The following GNAQ variants were observed in gnomAD, a reference collection of about 807,000 sequenced individuals.
GNAQ encodes the protein guanine nucleotide-binding protein G(q) subunit alpha.
A neutral mutation model predicts 43.9 loss-of-function variants in GNAQ; 8 were observed. That is an observed-to-expected ratio of 0.18 (90% CI 0.11 to 0.33). The LOEUF (loss-of-function observed/expected upper bound fraction) is 0.33, where lower values mean the gene tolerates loss of function less well. GNAQ is among the 10% of genes least tolerant of loss of function. The pLI is 1.00. For synonymous variants in GNAQ, 155 were observed against 170.7 expected, an observed-to-expected ratio of 0.91 and a Z score of 0.71; for missense variants, 158 against 450.8, an observed-to-expected ratio of 0.35 and a Z score of 5.88.
intron 1 of GNAQ, among the ~76,000 whole-genome samples, chr9:77,979,356 C>A (rs1218355835): frequency 1.5e-3 from 214 of 140,772 alleles, no homozygotes; most frequent in African/African-American, 2.0e-3. Flanking sequence ...GACTCTGTCT[C>A]AAAAAAAAAA....
intron 5 of GNAQ, among the ~76,000 whole-genome samples, chr9:77,736,640 C>A (rs1339304216): frequency 6.6e-6 from 1 of 151,962 alleles, no homozygotes; most frequent in Non-Finnish European, 1.5e-5. Context: ...CATGTCAGGC[C>A]CTTGTAAAGT....
chr9:77,908,871 A>G (rs1026298217), intron 2 of GNAQ, among the ~76,000 whole-genome samples: 17 of 152,202 alleles, frequency 1.1e-4, no homozygotes, highest in Non-Finnish European at 1.8e-4. Context: ...ACAAATATGC[A>G]TTTTAATGAG....
intron 5 of GNAQ, among the ~76,000 whole-genome samples, chr9:77,737,990 T>C (rs1233258986): frequency 6.6e-6 from 1 of 152,190 alleles, no homozygotes; most frequent in Non-Finnish European, 1.5e-5. Flanking sequence ...CTTCTTTTTT[T>C]TGAGTATCAC....
chr9:77,878,290 A>G (rs1418277424), intron 2 of GNAQ, among the ~76,000 whole-genome samples: 1 of 151,586 alleles, frequency 6.6e-6, no homozygotes, highest in African/African-American at 2.4e-5. Flanking sequence ...AAAAATTTTA[A>G]AACTCAGTCT....
chr9:77,839,047 T>TG (rs1418239619), intron 2 of GNAQ, among the ~76,000 whole-genome samples: 1 of 152,088 alleles, frequency 6.6e-6, no homozygotes, highest in Non-Finnish European at 1.5e-5. Flanking sequence ...CCATACTGGC[T>TG]GGGTTGGGAA....
At chr9:77,823,414 C>T (rs10781465) in intron 2 of GNAQ, among the ~76,000 whole-genome samples, 121,629 of 152,114 alleles carry the variant, frequency 0.8, 48,752 homozygotes, top group Admixed American at 0.86. Context: ...TAACTTTCCA[C>T]TGAGAGTATA....
chr9:77,973,737 G>T (rs751458745), intron 1 of GNAQ, among the ~76,000 whole-genome samples: 5 of 152,148 alleles, frequency 3.3e-5, no homozygotes, highest in Admixed American at 1.3e-4. Flanking sequence ...AGAATCGCTT[G>T]AATGTGGGAG....
intron 5 of GNAQ, among the ~76,000 whole-genome samples, chr9:77,733,007 T>C (rs1825519776): frequency 6.6e-6 from 1 of 152,134 alleles, no homozygotes; most frequent in Non-Finnish European, 1.5e-5. Flanking sequence ...TTCAGGTACA[T>C]GAAGCCATGG....
chr9:77,737,248 T>C (rs530624385), intron 5 of GNAQ, among the ~76,000 whole-genome samples: 1 of 152,362 alleles, frequency 6.6e-6, no homozygotes, highest in South Asian at 2.1e-4. Context: ...TCTGATGTAA[T>C]GTCTGATGGC....
intron 5 of GNAQ, among the ~76,000 whole-genome samples, chr9:77,789,047 A>G (rs1438723819): frequency 1.3e-5 from 2 of 152,120 alleles, no homozygotes; most frequent in African/African-American, 2.4e-5. Flanking sequence ...ATCTCCTTTC[A>G]TTGGTTGCTA....
rs79882959 is a variant in GNAQ, at chr9:77,767,388, C to T, written c.735+27075G>A. Among the ~76,000 whole-genome samples, 388 of 152,186 alleles carry T rather than the reference C, an allele frequency of 2.5e-3. 2 individuals are homozygous for T. Among genetic ancestry groups the T allele is most frequent in the African/African-American group, 8.6e-3 (356 of 41,522 alleles). On this transcript the variant is annotated intron_variant, in intron 5 of 6. Transcript: ENST00000286548. Reference sequence around the variant, plus strand: ...GGGCAGGATGGGGGGACAAATTAGCCTCCCCCTAACTCTGCTGAGAACCAC... The same window carrying T: ...GGGCAGGATGGGGGGACAAATTAGCTTCCCCCTAACTCTGCTGAGAACCAC...
intron 1 of GNAQ, among the ~76,000 whole-genome samples, chr9:78,019,946 A>G (rs1377257322): frequency 1.3e-5 from 2 of 151,508 alleles, no homozygotes; most frequent in African/African-American, 4.8e-5. Context: ...AAAAAAAGAA[A>G]GAAAAGAGAC....
At chr9:77,763,142 A>AAACAAAC (rs1491163772) in intron 5 of GNAQ, among the ~76,000 whole-genome samples, 19 of 27,170 alleles carry the variant, frequency 7.0e-4, no homozygotes, top group African/African-American at 1.6e-3. Flanking sequence ...ACAAACAAAC[A>AAACAAAC]AAAAAAAAAA....
At chr9:77,900,195 T>C (rs776409065) in intron 2 of GNAQ, among the ~76,000 whole-genome samples, 5 of 152,210 alleles carry the variant, frequency 3.3e-5, no homozygotes, top group Non-Finnish European at 7.3e-5. Flanking sequence ...ACTTGTGGTA[T>C]ACGTCTAAGT....
intron 2 of GNAQ, among the ~76,000 whole-genome samples, chr9:77,862,878 G>C (rs1274294359): frequency 6.6e-6 from 1 of 152,140 alleles, no homozygotes; most frequent in Non-Finnish European, 1.5e-5. Context: ...TGAAGGCTTT[G>C]CTGCTTAGAA....
intron 5 of GNAQ, among the ~76,000 whole-genome samples, chr9:77,764,457 T>A (rs1663166606): frequency 6.6e-6 from 1 of 151,418 alleles, no homozygotes; most frequent in African/African-American, 2.4e-5. Flanking sequence ...TCTCTGAAAA[T>A]ACTTTTTTTT....
At chr9:77,749,276 A>G (rs1825776570) in intron 5 of GNAQ, among the ~76,000 whole-genome samples, 1 of 152,220 alleles carries the variant, frequency 6.6e-6, no homozygotes, top group African/African-American at 2.4e-5. Flanking sequence ...TCCACTGTAC[A>G]GAAGCAACGA....
intron 5 of GNAQ, among the ~76,000 whole-genome samples, chr9:77,738,317 C>CCACACA (rs10637243): frequency 4.0e-5 from 6 of 150,838 alleles, no homozygotes; most frequent in South Asian, 2.1e-4. Context: ...ACGCTACAAA[C>CCACACA]CACACACACA....
At chr9:77,949,416 T>C (rs1822946823) in intron 1 of GNAQ, among the ~76,000 whole-genome samples, 1 of 152,152 alleles carries the variant, frequency 6.6e-6, no homozygotes, top group Non-Finnish European at 1.5e-5. Context: ...TCTGAATCTC[T>C]TGGGAGAAAC....
Sources: gnomAD v4.1 joint callset for allele counts (sites outside exome capture counted in the v4.1 genomes callset) on GRCh38, gnomAD v4.1.1 for gene constraint, MANE v1.5 for transcripts, NCBI Gene and HGNC (gene_info 2026-07-23, HGNC 2026-07-21) for gene names.